The following GRIA4 variants were observed in gnomAD, a reference collection of about 807,000 sequenced individuals.
The protein encoded by GRIA4 is glutamate ionotropic receptor AMPA type subunit 4, also known as glutamate receptor 4.
Under a neutral mutation model 104.0 loss-of-function variants are expected in GRIA4, and 34 were observed. The ratio of observed to expected loss-of-function variants is 0.33; its 90% CI spans 0.25 to 0.44. GRIA4 has a LOEUF of 0.44. Ranked by LOEUF, GRIA4 falls within the 20% of genes least tolerant of loss-of-function variation. The pLI is 1.00. For synonymous variants in GRIA4, 386 were observed against 381.9 expected, an observed-to-expected ratio of 1.01 and a Z score of -0.13; for missense variants, 750 against 1,096.5, an observed-to-expected ratio of 0.68 and a Z score of 4.46.
chr11:105,914,344 A>G (rs930370223), intron 10 of GRIA4, among the ~76,000 whole-genome samples: 1 of 151,998 alleles, frequency 6.6e-6, no homozygotes, highest in African/African-American at 2.4e-5. Flanking sequence ...CCACATAGGA[A>G]ACAACATTGG....
chr11:105,813,866 G>T (rs533342232), intron 4 of GRIA4, among the ~76,000 whole-genome samples: 6 of 152,110 alleles, frequency 3.9e-5, no homozygotes, highest in Non-Finnish European at 8.8e-5. Context: ...AAGAGGACAT[G>T]AGAGAGACAA....
In GRIA4 at chr11:105,779,385, A is replaced by G. The variant is rs113822470; in HGVS notation, c.487+26165A>G. ...CTGCCCAAGGTAATTTATAGATTCA[A>G]TGCCATCTCCATCAAGCTACCAATG... On this transcript the variant is annotated intron_variant, in intron 4 of 16. Coordinates refer to ENST00000282499, the MANE Select transcript of GRIA4 (RefSeq NM_000829.4). Among the ~76,000 whole-genome samples the G allele has an allele frequency of 9.9e-3, 1,510 of 152,258 alleles. 31 individuals are homozygous for G. Among genetic ancestry groups the G allele is most frequent in the African/African-American group, 0.035 (1,448 of 41,566 alleles).
intron 4 of GRIA4, among the ~76,000 whole-genome samples, chr11:105,854,704 C>T (rs1166661879): frequency 1.3e-5 from 2 of 152,062 alleles, no homozygotes; most frequent in South Asian, 2.1e-4. Context: ...TGCTAAAATA[C>T]GAGATGTGAT....
At chr11:105,933,199 G>A (rs928221299) in intron 13 of GRIA4, among the ~76,000 whole-genome samples, 3 of 151,864 alleles carry the variant, frequency 2.0e-5, no homozygotes, top group Non-Finnish European at 2.9e-5. Flanking sequence ...CTATGATCAT[G>A]TCACTGCACT....
At chr11:105,778,360 A>T (rs1209709192) in intron 4 of GRIA4, among the ~76,000 whole-genome samples, 19 of 152,224 alleles carry the variant, frequency 1.2e-4, no homozygotes, top group Admixed American at 1.2e-3. Flanking sequence ...CAGATCCTTG[A>T]TGATTGCTTT....
intron 10 of GRIA4, chr11:105,913,173 T>C (rs1591439144): frequency 9.9e-6 from 4 of 402,238 alleles, no homozygotes; most frequent in Non-Finnish European, 1.3e-5. Flanking sequence ...GCCCTGGGGA[T>C]ATGTCACAGA....
intron 3 of GRIA4, among the ~76,000 whole-genome samples, chr11:105,744,562 T>C (rs989670724): frequency 6.6e-6 from 1 of 152,146 alleles, no homozygotes; most frequent in African/African-American, 2.4e-5. Flanking sequence ...GAGGAATACA[T>C]ACCTCACCTC....
intron 3 of GRIA4, among the ~76,000 whole-genome samples, chr11:105,710,084 T>A (rs1465084932): frequency 6.6e-6 from 1 of 152,176 alleles, no homozygotes; most frequent in Non-Finnish European, 1.5e-5. Context: ...TCTTTTATTA[T>A]TTTATTTGTT....
chr11:105,815,930 G>A (rs998273562), intron 4 of GRIA4, among the ~76,000 whole-genome samples: 13 of 152,104 alleles, frequency 8.5e-5, no homozygotes, highest in Non-Finnish European at 1.5e-4. Context: ...CACATTTCCA[G>A]GAATGAATTT....
intron 14 of GRIA4, among the ~76,000 whole-genome samples, chr11:105,953,662 T>C (rs1013169158): frequency 2.0e-5 from 3 of 150,968 alleles, no homozygotes; most frequent in Admixed American, 6.6e-5. Context: ...TATACATACA[T>C]ACACACACAC....
chr11:105,784,931 A>G (rs1941892953), intron 4 of GRIA4, among the ~76,000 whole-genome samples: 1 of 152,204 alleles, frequency 6.6e-6, no homozygotes, highest in African/African-American at 2.4e-5. Context: ...AAGGCCCAGG[A>G]ATCTGCAGTC....
intron 3 of GRIA4, among the ~76,000 whole-genome samples, chr11:105,738,385 T>C (rs1288003732): frequency 8.0e-6 from 1 of 125,138 alleles, no homozygotes; most frequent in Non-Finnish European, 1.7e-5. Context: ...TTAGGCTGAA[T>C]GCTGGAGCAG....
intron 3 of GRIA4, among the ~76,000 whole-genome samples, chr11:105,749,953 T>C (rs1939901928): frequency 6.6e-6 from 1 of 152,234 alleles, no homozygotes; most frequent in Admixed American, 6.5e-5. Flanking sequence ...TTTGCCATTT[T>C]ATGAAAACAT....
intron 4 of GRIA4, among the ~76,000 whole-genome samples, chr11:105,794,947 T>C (rs557379479): frequency 1.9e-4 from 29 of 152,236 alleles, no homozygotes; most frequent in African/African-American, 7.0e-4. Flanking sequence ...TGCACACATC[T>C]GAGAAGACCA....
At chr11:105,823,457 C>T (rs1943649610) in intron 4 of GRIA4, among the ~76,000 whole-genome samples, 1 of 151,936 alleles carries the variant, frequency 6.6e-6, no homozygotes, top group East Asian at 1.9e-4. Context: ...GGATAAGAGG[C>T]TTGAAGAACT....
At chr11:105,883,993 A>T (rs757155263) in intron 5 of GRIA4, among the ~76,000 whole-genome samples, 40 of 152,228 alleles carry the variant, frequency 2.6e-4, no homozygotes, top group Non-Finnish European at 4.7e-4. Flanking sequence ...CATCAGAGAA[A>T]TGCAAATCAA....
intron 3 of GRIA4, among the ~76,000 whole-genome samples, chr11:105,671,336 G>C (rs1952357293): frequency 1.3e-5 from 2 of 151,938 alleles, no homozygotes; most frequent in Non-Finnish European, 2.9e-5. Flanking sequence ...GGTCAACAGA[G>C]GTTTCATTTT....
intron 7 of GRIA4, among the ~76,000 whole-genome samples, chr11:105,899,779 CTTAT>C (rs960987737): frequency 3.3e-5 from 5 of 151,998 alleles, no homozygotes; most frequent in Admixed American, 3.3e-4. Flanking sequence ...TTAAAGAAAC[CTTAT>C]TTAATGTATT....
chr11:105,679,857 T>G (rs1346184036), intron 3 of GRIA4, among the ~76,000 whole-genome samples: 1 of 152,132 alleles, frequency 6.6e-6, no homozygotes, highest in Admixed American at 6.6e-5. Flanking sequence ...TTTCATCTGG[T>G]GTGGTGACTT....
Sources: allele counts gnomAD v4.1 joint callset (sites outside exome capture counted in the v4.1 genomes callset), GRCh38; gene constraint gnomAD v4.1.1; transcripts MANE v1.5; gene names NCBI Gene and HGNC (gene_info 2026-07-23, HGNC 2026-07-21).